Variants in HSD17B4 observed in about 807,000 individuals in gnomAD.
HSD17B4 encodes hydroxysteroid 17-beta dehydrogenase 4.
Under a neutral mutation model 101.0 loss-of-function variants are expected in HSD17B4, and 70 were observed. The ratio of observed to expected loss-of-function variants is 0.69; its 90% CI spans 0.57 to 0.85. The LOEUF (loss-of-function observed/expected upper bound fraction) is 0.85, where lower values mean the gene tolerates loss of function less well. Among genes scored for constraint, HSD17B4 ranks in the 40% least tolerant of loss-of-function variants. The pLI is 0.00. For missense variants in HSD17B4, 984 were observed against 892.4 expected (o/e 1.10, Z -1.31); for synonymous variants, 347 against 297.1 (o/e 1.17, Z -1.73).
At chr5:119,530,845 C>CAAAAA (rs11423247) in intron 21 of HSD17B4, among the ~76,000 whole-genome samples, 3 of 56,256 alleles carry the variant, frequency 5.3e-5, no homozygotes, top group African/African-American at 1.4e-4. Flanking sequence ...AAGTCTGTCT[C>CAAAAA]AAAAAAAAAA....
At position 119,473,966 on chromosome 5, in the gene HSD17B4, G is replaced by A; in HGVS notation, c.171G>A (p.Lys57=). 1 of 1,612,892 alleles carries A rather than the reference G, an allele frequency of 6.2e-7. No individual in the cohort carries two copies. The highest frequency in any genetic ancestry group is 8.5e-7 in the Non-Finnish European group (1 of 1,178,952). ...GTAAAGGCTCCTTAGCTGCTGATAA[G>A]GTTGTTGAAGAAATAAGAAGGAGAG... is the stretch of plus-strand genomic sequence containing the variant. ...GVGKGSLAAD[K]VVEEIRRRGG... is the part of the protein sequence containing the mutation. The change falls in exon 3 of 24, where the codon AAG becomes AAA. Residue 57 remains lysine, a synonymous_variant. Transcript: ENST00000510025.
chr5:119,477,032 A>C (rs910501361), intron 6 of HSD17B4, among the ~76,000 whole-genome samples: 2 of 152,180 alleles, frequency 1.3e-5, no homozygotes, highest in Admixed American at 6.5e-5. Flanking sequence ...AATATTTCTT[A>C]ATGAGCTATG....
chr5:119,454,902 G>A (rs1188639364), intron 1 of HSD17B4, among the ~76,000 whole-genome samples: 1 of 152,134 alleles, frequency 6.6e-6, no homozygotes, highest in Non-Finnish European at 1.5e-5. Flanking sequence ...GATTACAGAT[G>A]TGTGTCACTA....
chr5:119,475,419 A>C (rs1262689311), intron 4 of HSD17B4, among the ~76,000 whole-genome samples: 6 of 152,146 alleles, frequency 3.9e-5, no homozygotes, highest in Non-Finnish European at 8.8e-5. Context: ...TAAGAGTTGT[A>C]AAATGGCTAA....
intron 6 of HSD17B4, 87 bp downstream of exon 6, chr5:119,475,957 AC>A: frequency 1.1e-6 from 1 of 950,360 alleles, no homozygotes; most frequent in Non-Finnish European, 1.7e-6. Context: ...TTAAGGAAAA[AC>A]CTGCTTCTAT....
intron 8 of HSD17B4, among the ~76,000 whole-genome samples, chr5:119,486,695 G>A (rs1749640471): frequency 6.6e-6 from 1 of 151,960 alleles, no homozygotes; most frequent in Admixed American, 6.6e-5. Context: ...TGAACATATC[G>A]GTTGCTTTTT....
intron 8 of HSD17B4, among the ~76,000 whole-genome samples, chr5:119,483,048 C>G (rs1431760518): frequency 6.6e-6 from 1 of 152,042 alleles, no homozygotes; most frequent in East Asian, 1.9e-4. Flanking sequence ...ACAGAATACT[C>G]TGGGCATATT....
At chr5:119,469,415 C>T (rs1247692247) in intron 2 of HSD17B4, among the ~76,000 whole-genome samples, 4 of 152,054 alleles carry the variant, frequency 2.6e-5, no homozygotes, top group South Asian at 4.1e-4. Context: ...AGTACAGTGG[C>T]GCGGTCTCGG....
At chr5:119,497,816 T>C (rs1416151728) in intron 12 of HSD17B4, among the ~76,000 whole-genome samples, 1 of 152,254 alleles carries the variant, frequency 6.6e-6, no homozygotes, top group African/African-American at 2.4e-5. Context: ...CTTTTGCTTT[T>C]TCTTTTTCAG....
At chr5:119,540,186 T>A (rs1195110303) in intron 23 of HSD17B4, among the ~76,000 whole-genome samples, 2 of 152,174 alleles carry the variant, frequency 1.3e-5, no homozygotes, top group East Asian at 3.9e-4. Flanking sequence ...TGCATGGCAC[T>A]CCTAGGCCAA....
chr5:119,483,636 G>A (rs935920627), intron 8 of HSD17B4, among the ~76,000 whole-genome samples: 24 of 151,826 alleles, frequency 1.6e-4, no homozygotes, highest in Admixed American at 7.9e-4. Flanking sequence ...AGACTTTTTT[G>A]TGTAGCTTTC....
At position 119,454,273 on chromosome 5, in the gene HSD17B4, T is replaced by C. The variant is rs112958280; in HGVS notation, c.58+1640T>C. Among the ~76,000 whole-genome samples the C allele has an allele frequency of 4.4e-3, 676 of 152,300 alleles. 5 individuals are homozygous for C. The highest frequency in any genetic ancestry group is 0.015 in the African/African-American group (629 of 41,552). On this transcript the variant is annotated intron_variant, in intron 1 of 23. Coordinates refer to ENST00000510025, the MANE Select transcript of HSD17B4 (RefSeq NM_000414.4). ...TTAGCACCTGCTGTTCATAAACTGG[T>C]TAAATTCTCTCTTACCCATTCAGAG... is the stretch of plus-strand genomic sequence containing the variant.
At chr5:119,526,442 C>G (rs180699474) in intron 19 of HSD17B4, among the ~76,000 whole-genome samples, 1 of 151,832 alleles carries the variant, frequency 6.6e-6, no homozygotes, top group African/African-American at 2.4e-5. Flanking sequence ...TGTTTTAACT[C>G]TGTACTTTTT....
At chr5:119,506,280 T>A (rs562283384) in intron 14 of HSD17B4, among the ~76,000 whole-genome samples, 1 of 152,306 alleles carries the variant, frequency 6.6e-6, no homozygotes, top group African/African-American at 2.4e-5. Context: ...GATTTTCTGA[T>A]CTTGTGATAG....
At chr5:119,471,611 A>G in intron 2 of HSD17B4, 2 of 1,057,004 alleles carry the variant, frequency 1.9e-6, no homozygotes, top group South Asian at 1.9e-5. Flanking sequence ...CTATTTATTA[A>G]TTAGTAACTT....
At chr5:119,454,656 C>G (rs1008320091) in intron 1 of HSD17B4, among the ~76,000 whole-genome samples, 1 of 150,098 alleles carries the variant, frequency 6.7e-6, no homozygotes, top group Admixed American at 6.6e-5. Flanking sequence ...GAGTTTTGCT[C>G]TGTTGCCGAG....
chr5:119,531,178 A>G (rs1754060496), intron 21 of HSD17B4, 88 bp from the exon 22 acceptor site: 1 of 1,375,190 alleles, frequency 7.3e-7, no homozygotes, highest in Non-Finnish European at 1.0e-6. Context: ...GTTTTAAAAA[A>G]TCTTTTTTTT....
In HSD17B4 at chr5:119,475,961, G is replaced by T. The variant is rs35331622; in HGVS notation, c.349+91G>T. On this transcript the variant is annotated intron_variant, in intron 6 of 23. Coordinates refer to ENST00000510025, the MANE Select transcript of HSD17B4 (RefSeq NM_000414.4). ...AATTTATACATTTAAGGAAAAACCTGCTTCTATCTACTTTTGCTGCTAATA... is the reference window on the plus strand; with the variant it reads ...AATTTATACATTTAAGGAAAAACCTTCTTCTATCTACTTTTGCTGCTAATA... 1.8e-3 allele frequency: 1,643 copies of T among 909,370 alleles called. 14 individuals carry two copies. In the African/African-American group the frequency reaches 0.024, roughly 13 times the overall value. 56.3% of individuals were successfully genotyped at this position (909,370 alleles called of 1,614,324 possible). A position where few individuals can be genotyped will look rare whatever the true frequency, so the allele number is the denominator to read the frequency against.
At chr5:119,521,952 T>C (rs900098709) in intron 17 of HSD17B4, among the ~76,000 whole-genome samples, 2 of 151,812 alleles carry the variant, frequency 1.3e-5, no homozygotes, top group Non-Finnish European at 1.5e-5. Flanking sequence ...GTATTTTTAT[T>C]ATACTTTAAG....
Sources: gnomAD v4.1 joint callset for allele counts (sites outside exome capture counted in the v4.1 genomes callset) on GRCh38, gnomAD v4.1.1 for gene constraint, MANE v1.5 for transcripts, NCBI Gene and HGNC (gene_info 2026-07-23, HGNC 2026-07-21) for gene names.